The following LRRK2 variants were observed in gnomAD, a reference collection of about 807,000 sequenced individuals.
LRRK2 encodes leucine-rich repeat serine/threonine-protein kinase 2.
Under a neutral mutation model 302.6 loss-of-function variants are expected in LRRK2, and 203 were observed. That is an observed-to-expected ratio of 0.67 (90% CI 0.60 to 0.75). The LOEUF (loss-of-function observed/expected upper bound fraction) is 0.75, where lower values mean the gene tolerates loss of function less well. Ranked by LOEUF, LRRK2 falls within the 30% of genes least tolerant of loss-of-function variation. The pLI is 0.00. For synonymous variants in LRRK2, 1,066 were observed against 1,031.9 expected, an observed-to-expected ratio of 1.03 and a Z score of -0.63; for missense variants, 2,830 against 2,951.0, an observed-to-expected ratio of 0.96 and a Z score of 0.95.
rs141754176 is a variant in LRRK2, at chr12:40,270,459, T to C, written c.1657-4124T>C. ...CTTTAGAAAAGTTTAATTCCCTGAA[T>C]ATTTAATGTTTATATTTTGTTGTTG... On this transcript the variant is annotated intron_variant, in intron 14 of 50. Coordinates refer to ENST00000298910, the MANE Select transcript of LRRK2 (RefSeq NM_198578.4). Among the ~76,000 whole-genome samples, 606 of 152,308 alleles carry C rather than the reference T, an allele frequency of 4.0e-3. 3 individuals are homozygous for C. Among genetic ancestry groups the C allele is most frequent in the African/African-American group, 0.014 (581 of 41,582 alleles).
At chr12:40,305,201 T>C (rs1249176869) in intron 27 of LRRK2, among the ~76,000 whole-genome samples, 1 of 152,148 alleles carries the variant, frequency 6.6e-6, no homozygotes, top group African/African-American at 2.4e-5. Context: ...GAATTAAGTG[T>C]CTGACACTGT....
intron 50 of LRRK2, 101 bp downstream of exon 50, chr12:40,367,178 A>G (rs1200109867): frequency 4.1e-6 from 4 of 977,336 alleles, no homozygotes; most frequent in Non-Finnish European, 6.3e-6. Context: ...TACATATGGT[A>G]TAATCAGGAA....
chr12:40,348,203 TA>T (rs34429371), intron 42 of LRRK2, among the ~76,000 whole-genome samples: 7 of 80,112 alleles, frequency 8.7e-5, no homozygotes, highest in South Asian at 5.6e-4. Context: ...TTTTATTCCA[TA>T]AAAAAAAAAT....
chr12:40,357,688 T>C (rs1946580973), intron 46 of LRRK2, among the ~76,000 whole-genome samples: 1 of 152,206 alleles, frequency 6.6e-6, no homozygotes, highest in South Asian at 2.1e-4. Context: ...TTACTGATGA[T>C]TAGTTAATGT....
At chr12:40,251,689 G>T in intron 10 of LRRK2, 145 bp downstream of exon 10, 1 of 693,366 alleles carries the variant, frequency 1.4e-6, no homozygotes, top group Non-Finnish European at 2.5e-6. Context: ...AATAGTAGTA[G>T]GTATGTAGTA....
chr12:40,253,547 G>C (rs1389240759), intron 11 of LRRK2, among the ~76,000 whole-genome samples: 1 of 152,062 alleles, frequency 6.6e-6, no homozygotes, highest in African/African-American at 2.4e-5. Flanking sequence ...TGCCATACCT[G>C]GCTAATTTTT....
rs1414169839 is a variant in LRRK2, at chr12:40,356,148, T to C, written c.6804T>C (p.Ala2268=). ...AAAATTTTCTTTTGGTTGGAACCGC[T>C]GATGGCAAGTTAGCAATTTTTGAAG... ...KQKNFLLVGT[A]DGKLAIFEDK... The change falls in exon 46 of 51, where the codon GCT becomes GCC. Residue 2268 remains alanine (A), a synonymous_variant. Coordinates refer to ENST00000298910, the MANE Select transcript of LRRK2 (RefSeq NM_198578.4). The C allele has an allele frequency of 6.2e-7, 1 of 1,612,532 alleles. No homozygotes were observed. The highest frequency in any genetic ancestry group is 1.1e-5 in the South Asian group (1 of 90,706).
intron 41 of LRRK2, among the ~76,000 whole-genome samples, chr12:40,344,753 T>G (rs1255823794): frequency 6.6e-6 from 1 of 152,138 alleles, no homozygotes; most frequent in East Asian, 1.9e-4. Flanking sequence ...GAGAATTATA[T>G]TATGGTTATA....
At chr12:40,295,179 A>G (rs1349830308) in intron 22 of LRRK2, among the ~76,000 whole-genome samples, 1 of 150,520 alleles carries the variant, frequency 6.6e-6, no homozygotes, top group South Asian at 2.1e-4. Context: ...CACCAAGGCC[A>G]CTCTTCATCC....
intron 45 of LRRK2, among the ~76,000 whole-genome samples, chr12:40,354,840 A>AT (rs1384837593): frequency 5.3e-3 from 41 of 7,728 alleles, no homozygotes; most frequent in Admixed American, 0.017. Context: ...TTGAAAAAAA[A>AT]AAAATATATA....
chr12:40,275,933 A>G (rs1338540081), intron 16 of LRRK2, among the ~76,000 whole-genome samples: 1 of 152,064 alleles, frequency 6.6e-6, no homozygotes, highest in Non-Finnish European at 1.5e-5. Flanking sequence ...TATTTTTTGT[A>G]ACTGGCAGCA....
intron 39 of LRRK2, among the ~76,000 whole-genome samples, chr12:40,331,859 C>T (rs1171566457): frequency 6.6e-6 from 1 of 152,182 alleles, no homozygotes; most frequent in African/African-American, 2.4e-5. Context: ...TCACTCTGGC[C>T]AATTTTCTTT....
chr12:40,342,025 A>G (rs1253906060), intron 41 of LRRK2, among the ~76,000 whole-genome samples: 1 of 152,192 alleles, frequency 6.6e-6, no homozygotes, highest in Non-Finnish European at 1.5e-5. Context: ...CATTTTTGTC[A>G]TGGGACATGA....
chr12:40,336,474 A>G (rs921229087), intron 40 of LRRK2, among the ~76,000 whole-genome samples: 4 of 152,178 alleles, frequency 2.6e-5, no homozygotes, highest in Non-Finnish European at 4.4e-5. Flanking sequence ...TTGCCATTGT[A>G]TCTCTAGCTC....
chr12:40,297,461 A>G (rs1944426651), intron 23 of LRRK2, among the ~76,000 whole-genome samples: 1 of 152,204 alleles, frequency 6.6e-6, no homozygotes, highest in Non-Finnish European at 1.5e-5. Flanking sequence ...TAATTTTAAA[A>G]TCTTTACTTC....
chr12:40,246,212 T>C (rs1941973572), intron 7 of LRRK2, among the ~76,000 whole-genome samples: 1 of 151,846 alleles, frequency 6.6e-6, no homozygotes, highest in African/African-American at 2.4e-5. Flanking sequence ...CTTAAAAATA[T>C]TAAAATATTT....
chr12:40,260,824 T>C (rs1942737617), intron 13 of LRRK2, among the ~76,000 whole-genome samples: 1 of 152,142 alleles, frequency 6.6e-6, no homozygotes, highest in South Asian at 2.1e-4. Flanking sequence ...GGGAGATCTG[T>C]TTGATGTGAC....
intron 11 of LRRK2, among the ~76,000 whole-genome samples, chr12:40,255,442 G>A (rs1942459983): frequency 6.6e-6 from 1 of 152,194 alleles, no homozygotes; most frequent in Non-Finnish European, 1.5e-5. Flanking sequence ...ATGCGATAGT[G>A]TGTAAAATGT....
intron 40 of LRRK2, among the ~76,000 whole-genome samples, chr12:40,336,323 G>A (rs367661750): frequency 6.6e-6 from 1 of 152,250 alleles, no homozygotes; most frequent in Middle Eastern, 3.4e-3. Context: ...GAGGATGTCC[G>A]CAACGACCCT....
Sources: gnomAD v4.1 joint callset for allele counts (sites outside exome capture counted in the v4.1 genomes callset) on GRCh38, gnomAD v4.1.1 for gene constraint, MANE v1.5 for transcripts, NCBI Gene and HGNC (gene_info 2026-07-23, HGNC 2026-07-21) for gene names.